ZSWIM6: variants seen among roughly 807,000 people sequenced by gnomAD.
ZSWIM6 encodes the protein zinc finger SWIM-type containing 6.
Under a neutral mutation model 113.2 loss-of-function variants are expected in ZSWIM6, and 9 were observed. The observed-to-expected ratio is 0.08, with a 90% confidence interval of 0.05 to 0.14. The LOEUF (loss-of-function observed/expected upper bound fraction) is 0.14. Ranked by LOEUF, ZSWIM6 falls within the 10% of genes least tolerant of loss-of-function variation. The pLI is 1.00. For missense variants in ZSWIM6, 1,162 were observed against 1,552.2 expected (o/e 0.75, Z 4.22); for synonymous variants, 611 against 606.5 (o/e 1.01, Z -0.11).
chr5:61,506,907 A>G (rs1748637404), intron 4 of ZSWIM6, among the ~76,000 whole-genome samples: 1 of 152,210 alleles, frequency 6.6e-6, no homozygotes, highest in Non-Finnish European at 1.5e-5. Context: ...GGAAATACCA[A>G]AAGTGATTGT....
At chr5:61,474,983 G>A (rs1747670847) in intron 2 of ZSWIM6, among the ~76,000 whole-genome samples, 1 of 152,124 alleles carries the variant, frequency 6.6e-6, no homozygotes, top group African/African-American at 2.4e-5. Context: ...CGCTGCCACA[G>A]AGGTACCTTC....
chr5:61,522,303 T>G (rs1258812490), intron 5 of ZSWIM6, among the ~76,000 whole-genome samples: 1 of 152,164 alleles, frequency 6.6e-6, no homozygotes, highest in African/African-American at 2.4e-5. Flanking sequence ...CATGACACTA[T>G]TTTTGCATGA....
intron 1 of ZSWIM6, among the ~76,000 whole-genome samples, chr5:61,455,074 GA>G (rs979858400): frequency 6.6e-6 from 1 of 151,594 alleles, no homozygotes; most frequent in African/African-American, 2.4e-5. Flanking sequence ...TTGTCTTGGG[GA>G]AAAAAATAGC....
intron 1 of ZSWIM6, among the ~76,000 whole-genome samples, chr5:61,344,880 A>G (rs1440624116): frequency 2.6e-5 from 4 of 152,126 alleles, no homozygotes; most frequent in Admixed American, 2.0e-4. Context: ...GTGGTACTCT[A>G]TTTGCTTTTA....
At chr5:61,523,377 A>G (rs984144935) in intron 5 of ZSWIM6, among the ~76,000 whole-genome samples, 3 of 152,248 alleles carry the variant, frequency 2.0e-5, no homozygotes, top group Non-Finnish European at 4.4e-5. Context: ...ATTTTTTAGA[A>G]TTAATGAATA....
At chr5:61,427,651 A>ATTTTTT (rs924324982) in intron 1 of ZSWIM6, among the ~76,000 whole-genome samples, 1 of 148,008 alleles carries the variant, frequency 6.8e-6, no homozygotes, top group Middle Eastern at 3.2e-3. Flanking sequence ...GTTAATTTTT[A>ATTTTTT]TTTTTTTTTT....
At chr5:61,418,346 C>G (rs1256545951) in intron 1 of ZSWIM6, among the ~76,000 whole-genome samples, 1 of 152,120 alleles carries the variant, frequency 6.6e-6, no homozygotes, top group Non-Finnish European at 1.5e-5. Flanking sequence ...TGGCTCACTG[C>G]AACCTCCGCT....
In ZSWIM6 at chr5:61,531,720, T is replaced by C; in HGVS notation, c.2240T>C (p.Leu747Ser). 6.4e-7 allele frequency: 1 copy of C among 1,551,476 alleles called. No homozygotes were observed. The highest frequency in any genetic ancestry group is 2.4e-5 in the East Asian group (1 of 40,916). The change falls in exon 9 of 14, where the codon TTA (leucine) becomes TCA (serine). Residue 747 changes from leucine (L) to serine (S), a missense_variant. This residue lies in a region of ZSWIM6 where 620 missense variants were observed against 804.6 expected (regional missense o/e 0.77). Coordinates refer to ENST00000252744, the MANE Select transcript of ZSWIM6 (RefSeq NM_020928.2). ...TTTCGCAAGCAAGCAGTCTTCCTATTAGAAGGTAGCCTGATACAGAAGTTT... is the reference window on the plus strand; with the variant it reads ...TTTCGCAAGCAAGCAGTCTTCCTATCAGAAGGTAGCCTGATACAGAAGTTT... ...KIFRKQAVFL[L>S]EAGPYSGLGE...
chr5:61,526,646 A>G (rs866495362), intron 7 of ZSWIM6, among the ~76,000 whole-genome samples: 1 of 151,112 alleles, frequency 6.6e-6, no homozygotes, highest in Non-Finnish European at 1.5e-5. Context: ...AATTTTCTTT[A>G]TTGTTTTAAT....
intron 4 of ZSWIM6, among the ~76,000 whole-genome samples, chr5:61,497,102 C>T (rs546712341): frequency 1.6e-4 from 20 of 129,010 alleles, no homozygotes; most frequent in African/African-American, 5.4e-4. Context: ...GACCAGTACA[C>T]CAGGAAAAAA....
intron 1 of ZSWIM6, among the ~76,000 whole-genome samples, chr5:61,441,402 G>T (rs1425126694): frequency 6.6e-6 from 1 of 152,172 alleles, no homozygotes; most frequent in Non-Finnish European, 1.5e-5. Context: ...GTGTTTAGGA[G>T]TGATAAGGAA....
At position 61,469,333 on chromosome 5, in the gene ZSWIM6, T is replaced by G. The variant is rs182151507; in HGVS notation, c.677-3348T>G. ...AAAATGGTTGAAATTTTTTGGGCATTTGAAAGATAATCTAGAATTACTTGG... is the reference window on the plus strand; with the variant it reads ...AAAATGGTTGAAATTTTTTGGGCATGTGAAAGATAATCTAGAATTACTTGG... On this transcript the variant is annotated intron_variant, in intron 1 of 13. Transcript: ENST00000252744. Among the ~76,000 whole-genome samples the G allele has an allele frequency of 5.3e-5, 8 of 152,336 alleles. No individual in the cohort carries two copies. The East Asian group carries it at 1.3e-3, about 26-fold the overall frequency.
In ZSWIM6 at chr5:61,543,431, A is replaced by G; in HGVS notation, c.2786-24A>G. On this transcript the variant is annotated intron_variant, in intron 13 of 13. Transcript: ENST00000252744. This position sits in a 1 kb window ranked among gnomAD's most constrained non-coding sequence, Gnocchi z 4.3. ...TCTGGGCAGCCTCCTCGTCAGTAAT[A>G]GAGCCTGTTTGTGTTCCTTGCAGGG... 1 of 1,536,600 alleles carries G rather than the reference A, an allele frequency of 6.5e-7. No individual in the cohort carries two copies. The highest frequency in any genetic ancestry group is 8.8e-7 in the Non-Finnish European group (1 of 1,138,888).
At chr5:61,377,001 G>A (rs1377185735) in intron 1 of ZSWIM6, among the ~76,000 whole-genome samples, 1 of 148,188 alleles carries the variant, frequency 6.7e-6, no homozygotes, top group African/African-American at 2.6e-5. Context: ...GTGTCTTATT[G>A]CCAGAATCTT....
intron 1 of ZSWIM6, among the ~76,000 whole-genome samples, chr5:61,462,545 A>T (rs1208514592): frequency 6.6e-6 from 1 of 152,224 alleles, no homozygotes; most frequent in African/African-American, 2.4e-5. Context: ...GGATTAGCAC[A>T]ACAACAAACC....
chr5:61,463,016 T>G (rs1057348388), intron 1 of ZSWIM6, among the ~76,000 whole-genome samples: 2 of 152,196 alleles, frequency 1.3e-5, no homozygotes, highest in Admixed American at 6.5e-5. Context: ...CTATATATTT[T>G]TTTCATTAAT....
intron 1 of ZSWIM6, among the ~76,000 whole-genome samples, chr5:61,454,132 T>C (rs1475315133): frequency 6.6e-6 from 1 of 152,134 alleles, no homozygotes; most frequent in Non-Finnish European, 1.5e-5. Flanking sequence ...AGTTGTAATC[T>C]AACATTGTCA....
chr5:61,396,898 ATAGT>A (rs540341090), intron 1 of ZSWIM6, among the ~76,000 whole-genome samples: 1 of 152,186 alleles, frequency 6.6e-6, no homozygotes, highest in Admixed American at 6.5e-5. Context: ...TGAAGTGGAC[ATAGT>A]TATTCTCTTA....
intron 2 of ZSWIM6, among the ~76,000 whole-genome samples, chr5:61,477,214 T>A (rs1224316973): frequency 6.6e-6 from 1 of 152,146 alleles, no homozygotes; most frequent in East Asian, 1.9e-4. Context: ...AACTGTGGCC[T>A]TGACCCCAAC....
Sources: allele counts gnomAD v4.1 joint callset (sites outside exome capture counted in the v4.1 genomes callset), GRCh38; gene constraint gnomAD v4.1.1; regional missense constraint gnomAD v4.1.1; non-coding constraint Gnocchi (gnomAD v3.1); transcripts MANE v1.5; gene names NCBI Gene and HGNC (gene_info 2026-07-23, HGNC 2026-07-21).